The following TWF1 variants were observed in gnomAD, a reference collection of about 807,000 sequenced individuals.
TWF1 encodes the protein twinfilin-1.
A neutral mutation model predicts 47.9 loss-of-function variants in TWF1; 14 were observed. The observed-to-expected ratio is 0.29, with a 90% CI of 0.19 to 0.46. The LOEUF (loss-of-function observed/expected upper bound fraction) is 0.46. TWF1 is among the 20% of genes least tolerant of loss of function. The pLI is 1.00. For synonymous variants in TWF1, 96 were observed against 139.2 expected, an observed-to-expected ratio of 0.69 and a Z score of 2.18; for missense variants, 281 against 409.3, an observed-to-expected ratio of 0.69 and a Z score of 2.70.
At chr12:43,805,618 C>G (rs1374670906) in intron 1 of TWF1, 1 of 482,910 alleles carries the variant, frequency 2.1e-6, no homozygotes, top group South Asian at 1.5e-5. Context: ...CCATACAGAT[C>G]AGTTTCCCTT....
At chr12:43,800,307 T>A in intron 4 of TWF1, 128 bp downstream of exon 4, 1 of 635,708 alleles carries the variant, frequency 1.6e-6, no homozygotes, top group Non-Finnish European at 2.7e-6. Flanking sequence ...TTATATGAAA[T>A]ACAGTATTTC....
chr12:43,796,840 G>C (rs1942559679), intron 8 of TWF1, 136 bp downstream of exon 8: 2 of 908,706 alleles, frequency 2.2e-6, no homozygotes, highest in Non-Finnish European at 3.3e-6. Flanking sequence ...CAGGCACTTA[G>C]AGGAGATCCT....
At chr12:43,797,575 A>G in intron 6 of TWF1, 123 bp from the exon 7 acceptor site, 1 of 1,410,818 alleles carries the variant, frequency 7.1e-7, no homozygotes, top group Non-Finnish European at 9.5e-7. Flanking sequence ...ACTTTTTCAC[A>G]ATGAACATTT....
rs574083973 is a variant in TWF1 at position 43,797,515 on chromosome 12, A to G, written c.610-63T>C. ...ATATAAGGAAATTAAGTTAAAACAT[A>G]TAATAAAAAGACCAAGAGATAAAGG... On this transcript the variant is annotated intron_variant, in intron 6 of 8. Coordinates refer to ENST00000395510, the MANE Select transcript of TWF1 (RefSeq NM_002822.5). The G allele has an allele frequency of 1.9e-5, 27 of 1,421,922 alleles. No individual in the cohort carries two copies. The African/African-American group carries it at 3.1e-4, about 16-fold the overall frequency. 88.1% of individuals were successfully genotyped at this position (1,421,922 alleles called of 1,614,324 possible).
intron 8 of TWF1, among the ~76,000 whole-genome samples, 182 bp from the exon 9 acceptor site, chr12:43,795,937 A>C (rs940109084): frequency 6.6e-6 from 1 of 152,202 alleles, no homozygotes; most frequent in African/African-American, 2.4e-5. Context: ...TTGAATATAT[A>C]ATCAGCTACA....
At position 43,797,360 on chromosome 12, in the gene TWF1, A is replaced by G. The variant is rs762640880; in HGVS notation, c.702T>C (p.Ala234=). The G allele has an allele frequency of 3.1e-6, 5 of 1,606,268 alleles. No individual in the cohort carries two copies. The South Asian group carries it at 5.6e-5, about 18-fold the overall frequency. The change falls in exon 7 of 9, where the codon GCT becomes GCC. Residue 234 remains alanine, a synonymous_variant. Coordinates refer to ENST00000395510, the MANE Select transcript of TWF1 (RefSeq NM_002822.5). ...DLPKRIPKDS[A]RYHFFLYKHS... ...GTTTATACAGAAAGAAATGGTAACG[A>G]GCTGAATCCTTGGGAATCCTCTTTG...
intron 1 of TWF1, chr12:43,805,460 G>T (rs1942741884): frequency 2.3e-6 from 1 of 442,278 alleles, no homozygotes; most frequent in Non-Finnish European, 4.6e-6. Flanking sequence ...GTTTACACTA[G>T]AACTCGTTAA....
chr12:43,804,614 T>A (rs1203429248), intron 1 of TWF1, 42 bp from the exon 2 acceptor site: 3 of 1,348,826 alleles, frequency 2.2e-6, no homozygotes, highest in Non-Finnish European at 3.1e-6. Context: ...TATACTTACA[T>A]ATAAATACTT....
At chr12:43,804,096 T>G in intron 2 of TWF1, 1 of 269,380 alleles carries the variant, frequency 3.7e-6, no homozygotes, top group East Asian at 9.5e-5. Flanking sequence ...AAAATGGGAG[T>G]TTGATATCCT....
intron 8 of TWF1, among the ~76,000 whole-genome samples, chr12:43,796,365 T>C (rs948736603): frequency 6.6e-6 from 1 of 152,102 alleles, no homozygotes; most frequent in Non-Finnish European, 1.5e-5. Flanking sequence ...ACTGGTAGTT[T>C]TTAAGGACCT....
chr12:43,805,477 G>GC (rs1176502886), intron 1 of TWF1: 13 of 450,536 alleles, frequency 2.9e-5, no homozygotes, highest in Non-Finnish European at 4.9e-5. Flanking sequence ...TTAAGTGATC[G>GC]CGAGTAACCC....
At chr12:43,806,060 G>A (rs1216564554) in intron 1 of TWF1, 161 bp downstream of exon 1, 4 of 1,518,506 alleles carry the variant, frequency 2.6e-6, no homozygotes, top group African/African-American at 1.4e-5. Context: ...GGCAGCGCCC[G>A]GGAAGCAGGA....
At position 43,793,738 on chromosome 12, in the gene TWF1, T is replaced by G. The variant is rs1422684972; in HGVS notation, c.*1847A>C. The G allele has an allele frequency of 6.6e-6, 1 of 152,594 alleles. No homozygotes were observed. The highest frequency in any genetic ancestry group is 6.5e-5 in the Admixed American group (1 of 15,274). The allele number at this position is 152,594 out of a possible 1,614,324, so 9.5% of individuals were successfully genotyped here. On this transcript the variant is annotated 3_prime_UTR_variant, in exon 9 of 9. Transcript: ENST00000395510. ...CATACACAACTTAAAGAGAAAAAAT[T>G]TTTATTGTGATATAAAATGCACTTA...
At chr12:43,798,683 T>G (rs1467372220) in intron 5 of TWF1, 19 of 1,263,978 alleles carry the variant, frequency 1.5e-5, no homozygotes, top group Non-Finnish European at 2.0e-5. Context: ...AATAATATGA[T>G]AGATCCTTGC....
chr12:43,795,821 G>A, intron 8 of TWF1, 66 bp from the exon 9 acceptor site: 4 of 1,502,368 alleles, frequency 2.7e-6, no homozygotes, highest in Non-Finnish European at 2.7e-6. Flanking sequence ...TGGTTTTCAG[G>A]TATATGAATG....
intron 5 of TWF1, 117 bp from the exon 6 acceptor site, chr12:43,797,950 A>G: frequency 1.8e-6 from 2 of 1,088,796 alleles, no homozygotes; most frequent in Non-Finnish European, 2.6e-6. Context: ...CCTATAATTA[A>G]AATTATTTTT....
At position 43,796,953 on chromosome 12, in the gene TWF1, A is replaced by T. The variant is rs771526180; in HGVS notation, c.882+23T>A. 2.3e-5 allele frequency: 37 copies of T among 1,603,296 alleles called. No homozygotes were observed. The East Asian group carries it at 8.0e-4, about 35-fold the overall frequency. The stretch of plus-strand genomic sequence containing the variant: ...AAAAGAAAAATTTAGCAAAAACTGA[A>T]GATTTTAAAATAGGTGGGCTACCTT... On this transcript the variant is annotated intron_variant, in intron 8 of 8. Coordinates refer to ENST00000395510, the MANE Select transcript of TWF1 (RefSeq NM_002822.5).
rs1409432114 is a variant in TWF1, at chr12:43,797,331, G to T, written c.731C>A (p.Ser244Tyr). 6.3e-7 allele frequency: 1 copy of T among 1,597,488 alleles called. No individual in the cohort carries two copies. The highest frequency in any genetic ancestry group is 2.2e-5 in the East Asian group (1 of 44,678). ...GGACTCTAAATAGTCTCCTTCATGG[G>T]AATGTTTATACAGAAAGAAATGGTA... is the stretch of plus-strand genomic sequence containing the variant. ...ARYHFFLYKH[S>Y]HEGDYLESIV... The change falls in exon 7 of 9, where the codon TCC (serine) becomes TAC (tyrosine). Residue 244 changes from serine (S) to tyrosine (Y), a missense_variant. Transcript: ENST00000395510.
At chr12:43,800,610 T>C (rs1163260153) in intron 3 of TWF1, 80 bp from the exon 4 acceptor site, 2 of 1,102,876 alleles carry the variant, frequency 1.8e-6, no homozygotes, top group Non-Finnish European at 2.7e-6. Flanking sequence ...AATATATTAA[T>C]ATCCTGAATC....
Sources: allele counts gnomAD v4.1 joint callset (sites outside exome capture counted in the v4.1 genomes callset), GRCh38; gene constraint gnomAD v4.1.1; transcripts MANE v1.5; gene names NCBI Gene and HGNC (gene_info 2026-07-23, HGNC 2026-07-21).